The following KAT2B variants were observed in gnomAD, a reference collection of about 807,000 sequenced individuals.
The protein encoded by KAT2B is histone acetyltransferase KAT2B.
KAT2B carries 36 observed loss-of-function variants against 105.9 expected under a neutral mutation model. The observed-to-expected ratio is 0.34, with a 90% CI of 0.26 to 0.45. The LOEUF is 0.45. Ranked by LOEUF, KAT2B falls within the 20% of genes least tolerant of loss-of-function variation. The probability of loss-of-function intolerance (pLI) is 1.00; values close to 1 mark genes in which losing one functional copy is unlikely to be tolerated. For missense variants in KAT2B, 820 were observed against 1,021.6 expected (o/e 0.80, Z 2.69); for synonymous variants, 397 against 377.9 (o/e 1.05, Z -0.59).
chr3:20,136,975 G>C lies in KAT2B; in HGVS notation c.1783G>C (p.Glu595Gln), dbSNP rs1699613216. ...AACACACCTGATGAATCATTTGAAA[G>C]AATATCACATAAAGCATGACATCCT... ...YGTHLMNHLK[E>Q]YHIKHDILNF... Residue 595 changes from glutamate to glutamine, a missense_variant, in exon 12 of 18, where the codon GAA becomes CAA. Coordinates refer to ENST00000263754, the MANE Select transcript of KAT2B (RefSeq NM_003884.5). 1 of 1,608,950 alleles carries C rather than the reference G, an allele frequency of 6.2e-7. No homozygotes were observed. Among genetic ancestry groups the C allele is most frequent in the Admixed American group, 1.7e-5 (1 of 59,988 alleles).
chr3:20,140,439 CTG>C, intron 13 of KAT2B, 75 bp downstream of exon 13: 1 of 1,474,362 alleles, frequency 6.8e-7, no homozygotes, highest in Non-Finnish European at 9.4e-7. Context: ...TCCTTGGGTG[CTG>C]CGTGTATGTG....
intron 6 of KAT2B, among the ~76,000 whole-genome samples, chr3:20,114,490 A>G (rs755818467): frequency 7.2e-5 from 11 of 152,074 alleles, no homozygotes; most frequent in Non-Finnish European, 1.5e-4. Context: ...AAGTTCTTAG[A>G]GCAGTGCAGG....
At chr3:20,049,565 G>A (rs1186141419) in intron 1 of KAT2B, among the ~76,000 whole-genome samples, 1 of 152,144 alleles carries the variant, frequency 6.6e-6, no homozygotes, top group Non-Finnish European at 1.5e-5. Flanking sequence ...TGGGGTAGAG[G>A]GGGTCGCTTT....
intron 1 of KAT2B, among the ~76,000 whole-genome samples, chr3:20,061,743 TG>T (rs1301374767): frequency 1.4e-5 from 2 of 137,980 alleles, no homozygotes; most frequent in Non-Finnish European, 3.1e-5. Flanking sequence ...ATAATATATA[TG>T]AAAAAATATA....
Position 20,111,766 on chromosome 3 carries a change from T to C in KAT2B, c.1022T>C (p.Leu341Pro). ...AAACTGCCTCTTGAAAAACGAACTC[T>C]AATCCTCACTCATTTCCCAAAGTAA... Reference protein sequence around the residue: ...KDKLPLEKRTLILTHFPKFLS... With the variant: ...KDKLPLEKRTPILTHFPKFLS... The change falls in exon 6 of 18, where the codon CTA becomes CCA. Residue 341 changes from leucine to proline, a missense_variant. Leu to Pro is a moderately conservative substitution (Grantham distance 98). Transcript: ENST00000263754. 6.2e-7 allele frequency: 1 copy of C among 1,613,262 alleles called. No homozygotes were observed. Among genetic ancestry groups the C allele is most frequent in the Non-Finnish European group, 8.5e-7 (1 of 1,179,716 alleles).
Position 20,140,264 on chromosome 3 carries a change from G to T in KAT2B, c.1904G>T (p.Gly635Val). The T allele has an allele frequency of 6.2e-7, 1 of 1,611,312 alleles. No homozygotes were observed. Among genetic ancestry groups the T allele is most frequent in the Non-Finnish European group, 8.5e-7 (1 of 1,177,572 alleles). ...EIKIPKTKYVGYIKDYEGATL... is the reference protein window; with the variant it reads ...EIKIPKTKYVVYIKDYEGATL... ...AAAATACCTAAAACCAAATATGTTG[G>T]CTATATCAAGGATTATGAAGGAGCC... Residue 635 changes from glycine (G) to valine (V), a missense_variant, in exon 13 of 18, where the codon GGC becomes GTC. This residue lies in a region of KAT2B where 227 missense variants were observed against 292.9 expected (regional missense o/e 0.77). Coordinates refer to ENST00000263754, the MANE Select transcript of KAT2B (RefSeq NM_003884.5).
At chr3:20,104,318 CT>C (rs1481419282) in intron 5 of KAT2B, among the ~76,000 whole-genome samples, 1 of 152,082 alleles carries the variant, frequency 6.6e-6, no homozygotes, top group East Asian at 1.9e-4. Context: ...CCAATAGCCC[CT>C]ATTAATAATA....
At chr3:20,148,980 G>GCC (rs1342084851) in intron 17 of KAT2B, 3 of 156,258 alleles carry the variant, frequency 1.9e-5, no homozygotes, top group African/African-American at 7.2e-5. Flanking sequence ...GATTTTCCAT[G>GCC]CCCTTGATGG....
intron 14 of KAT2B, 21 bp downstream of exon 14, chr3:20,146,451 AAAAGCG>A (rs1559333465): frequency 2.1e-6 from 3 of 1,433,874 alleles, no homozygotes; most frequent in Non-Finnish European, 2.9e-6. Flanking sequence ...ACCTTCTTTT[AAAAGCG>A]AAATTTTTTA....
chr3:20,057,794 T>G (rs1356263063), intron 1 of KAT2B, among the ~76,000 whole-genome samples: 1 of 152,134 alleles, frequency 6.6e-6, no homozygotes, highest in Non-Finnish European at 1.5e-5. Flanking sequence ...CTAGGCTATT[T>G]GGTAACAACT....
chr3:20,100,673 A>G (rs1698894921), intron 4 of KAT2B, among the ~76,000 whole-genome samples: 1 of 152,210 alleles, frequency 6.6e-6, no homozygotes, highest in Non-Finnish European at 1.5e-5. Flanking sequence ...ACTCTATTAA[A>G]TAAGAATTCA....
intron 1 of KAT2B, among the ~76,000 whole-genome samples, chr3:20,066,460 G>A (rs1307979671): frequency 1.3e-5 from 2 of 152,196 alleles, no homozygotes; most frequent in South Asian, 4.1e-4. Flanking sequence ...GTGCAGTGGT[G>A]CCATCTCAGC....
chr3:20,126,580 T>G (rs1275250306), intron 10 of KAT2B, among the ~76,000 whole-genome samples: 1 of 151,502 alleles, frequency 6.6e-6, no homozygotes. Flanking sequence ...CCCAGCATTT[T>G]GGGAGGCTGA....
chr3:20,047,964 T>C (rs992291138), intron 1 of KAT2B, among the ~76,000 whole-genome samples: 7 of 152,258 alleles, frequency 4.6e-5, no homozygotes, highest in African/African-American at 1.4e-4. Flanking sequence ...GGTTGTTGGT[T>C]TGCAAACAGA....
intron 5 of KAT2B, among the ~76,000 whole-genome samples, chr3:20,107,952 G>C (rs897008151): frequency 6.6e-6 from 1 of 151,568 alleles, no homozygotes; most frequent in Non-Finnish European, 1.5e-5. Context: ...GGGACTACAG[G>C]CGCCTGCCAC....
chr3:20,060,623 A>G (rs949919146), intron 1 of KAT2B, among the ~76,000 whole-genome samples: 1 of 148,782 alleles, frequency 6.7e-6, no homozygotes, highest in African/African-American at 2.5e-5. Flanking sequence ...ACAAACACAC[A>G]AACAACAAAC....
intron 5 of KAT2B, among the ~76,000 whole-genome samples, chr3:20,110,682 A>G (rs1699104651): frequency 6.6e-6 from 1 of 150,542 alleles, no homozygotes; most frequent in South Asian, 2.1e-4. Context: ...CAAAAAAAAA[A>G]AAAAAAAAAG....
intron 1 of KAT2B, among the ~76,000 whole-genome samples, chr3:20,064,115 T>G (rs772570133): frequency 6.6e-5 from 10 of 152,224 alleles, no homozygotes; most frequent in Non-Finnish European, 1.2e-4. Flanking sequence ...GGTTGTACCT[T>G]GTTACATCCC....
rs538048223 is a variant in KAT2B, at chr3:20,126,770, C to T, written c.1623-653C>T. ...CCAGGAGGCGGAGGTTGTGGTGAGC[C>T]GAGACCGTGCCATTGCACTCCAGCC... On this transcript the variant is annotated intron_variant, in intron 10 of 17. Coordinates refer to ENST00000263754, the MANE Select transcript of KAT2B (RefSeq NM_003884.5). Among the ~76,000 whole-genome samples, 140 of 141,190 alleles carry T rather than the reference C, an allele frequency of 9.9e-4. No homozygotes were observed. The Middle Eastern group carries it at 0.011, about 11-fold the overall frequency. 92.6% of individuals were successfully genotyped at this position (141,190 alleles called of 152,430 possible).
Sources: gnomAD v4.1 joint callset for allele counts (sites outside exome capture counted in the v4.1 genomes callset) on GRCh38, gnomAD v4.1.1 for gene constraint, gnomAD v4.1.1 regional missense constraint, MANE v1.5 for transcripts, NCBI Gene and HGNC (gene_info 2026-07-23, HGNC 2026-07-21) for gene names.